The following GLIS3 variants were observed in gnomAD, a reference collection of about 807,000 sequenced individuals.
The protein encoded by GLIS3 is GLIS family zinc finger 3.
Under a neutral mutation model 78.6 loss-of-function variants are expected in GLIS3, and 53 were observed. The ratio of observed to expected loss-of-function variants is 0.67; its 90% CI spans 0.54 to 0.85. GLIS3 has a LOEUF of 0.85. GLIS3 is among the 40% of genes least tolerant of loss of function. The pLI is 0.00. For synonymous variants in GLIS3, 684 were observed against 509.9 expected, an observed-to-expected ratio of 1.34 and a Z score of -4.60; for missense variants, 1,703 against 1,231.1, an observed-to-expected ratio of 1.38 and a Z score of -5.74.
At chr9:4,482,621 A>G in the GLIS3 span, among the ~76,000 whole-genome samples, 1 of 152,202 alleles carries the variant, frequency 6.6e-6, no homozygotes, top group East Asian at 1.9e-4. Context: ...CCAGGCAACT[A>G]TTTCTAGAGA....
chr9:4,039,472 T>A (rs1018640829), intron 4 of GLIS3, among the ~76,000 whole-genome samples: 3 of 152,168 alleles, frequency 2.0e-5, no homozygotes, highest in South Asian at 4.1e-4. Flanking sequence ...AACAAGCTGC[T>A]CTGATGGGTC....
At chr9:4,141,648 T>G (rs1429637263) in intron 2 of GLIS3, among the ~76,000 whole-genome samples, 1 of 152,202 alleles carries the variant, frequency 6.6e-6, no homozygotes, top group Non-Finnish European at 1.5e-5. Flanking sequence ...AGGAAATAAT[T>G]TAAACAACCA....
the GLIS3 span, among the ~76,000 whole-genome samples, chr9:4,359,317 C>T: frequency 6.6e-6 from 1 of 152,090 alleles, no homozygotes; most frequent in African/African-American, 2.4e-5. Context: ...TTCTCCTTAC[C>T]TTACTGCCTT....
chr9:4,296,292 G>GAA lies in GLIS3; in HGVS notation c.-99+3127_-99+3128dup, dbSNP rs201201304. Among the ~76,000 whole-genome samples, 402 of 116,242 alleles carry GAA rather than the reference G, an allele frequency of 3.5e-3. 2 individuals carry two copies. The highest frequency in any genetic ancestry group is 0.012 in the African/African-American group (381 of 31,364). 76.3% of individuals were successfully genotyped at this position (116,242 alleles called of 152,430 possible). ...TACTAGCAGGAAAGAACAGTCAGAG[G>GAA]AAAAAAAAAAAAAAAAAAGACCGAG... On this transcript the variant is annotated intron_variant, in intron 1 of 10. Coordinates refer to ENST00000381971, the MANE Select transcript of GLIS3 (RefSeq NM_001042413.2).
the GLIS3 span, among the ~76,000 whole-genome samples, chr9:4,464,404 T>G: frequency 6.6e-6 from 1 of 151,900 alleles, no homozygotes; most frequent in Non-Finnish European, 1.5e-5. Flanking sequence ...TTTATTTATT[T>G]ATTTTTTTGA....
intron 2 of GLIS3, among the ~76,000 whole-genome samples, chr9:4,188,875 A>T (rs550432122): frequency 3.7e-4 from 56 of 150,982 alleles, no homozygotes; most frequent in African/African-American, 1.3e-3. Flanking sequence ...CATCTATTTC[A>T]CTCTTCTCTC....
intron 2 of GLIS3, among the ~76,000 whole-genome samples, chr9:4,156,145 T>TTA (rs1369770351): frequency 6.6e-6 from 1 of 152,158 alleles, no homozygotes; most frequent in Non-Finnish European, 1.5e-5. Context: ...TTGACAACTC[T>TTA]TATACCCTTG....
chr9:4,226,993 G>T (rs968143941), intron 2 of GLIS3, among the ~76,000 whole-genome samples: 2 of 152,188 alleles, frequency 1.3e-5, no homozygotes, highest in African/African-American at 4.8e-5. Flanking sequence ...GTGAGAACTA[G>T]CAACAGGAGC....
intron 4 of GLIS3, among the ~76,000 whole-genome samples, chr9:4,007,207 C>G (rs923362283): frequency 5.3e-5 from 8 of 152,100 alleles, no homozygotes; most frequent in Non-Finnish European, 1.2e-4. Flanking sequence ...TTGGTGCTGC[C>G]CAGCCTCAGA....
intron 2 of GLIS3, among the ~76,000 whole-genome samples, chr9:4,179,980 T>C (rs910211022): frequency 6.6e-6 from 1 of 152,094 alleles, no homozygotes; most frequent in Non-Finnish European, 1.5e-5. Context: ...AAATTCAAAC[T>C]TGATATTTCT....
At chr9:4,462,594 A>AACACACAC in the GLIS3 span, among the ~76,000 whole-genome samples, 1,255 of 145,062 alleles carry the variant, frequency 8.7e-3, 8 homozygotes, top group South Asian at 0.036. Context: ...CCATCTCTAT[A>AACACACAC]ACACACACAC....
intron 2 of GLIS3, among the ~76,000 whole-genome samples, chr9:4,190,402 C>T (rs1042485335): frequency 1.7e-4 from 26 of 151,304 alleles, no homozygotes; most frequent in African/African-American, 5.1e-4. Flanking sequence ...CCTCAGGAGC[C>T]GATGCGATCA....
At chr9:4,125,712 GA>G (rs762861459) in intron 3 of GLIS3, 21 bp downstream of exon 3, 19 of 1,585,670 alleles carry the variant, frequency 1.2e-5, no homozygotes, top group African/African-American at 2.7e-5. Flanking sequence ...AAAGAAAGGG[GA>G]AAAAAAAGTT....
chr9:3,990,886 A>G lies in GLIS3; in HGVS notation c.1711-53697T>C, dbSNP rs1205530505. Among the ~76,000 whole-genome samples, 3 of 152,184 alleles carry G rather than the reference A, an allele frequency of 2.0e-5. No homozygotes were observed. The East Asian group carries it at 5.8e-4, about 29-fold the overall frequency. ...CAAAATATACAGGTTCATCCCTGAC[A>G]TCAAGCATGCCCTCAATTTTGAAAA... On this transcript the variant is annotated intron_variant, in intron 4 of 10. Transcript: ENST00000381971.
the GLIS3 span, among the ~76,000 whole-genome samples, chr9:4,395,984 G>C: frequency 7.9e-5 from 12 of 151,828 alleles, no homozygotes; most frequent in East Asian, 1.9e-3. Flanking sequence ...ATGTTGGCTA[G>C]GATGGTGTCG....
At chr9:4,317,689 G>GA (rs1817461834) in intron 2 of GLIS3, among the ~76,000 whole-genome samples, 1 of 152,254 alleles carries the variant, frequency 6.6e-6, no homozygotes, top group Admixed American at 6.5e-5. Flanking sequence ...GTGGTCTACA[G>GA]AAAAAATTAA....
chr9:4,271,307 G>C (rs1826486209), intron 2 of GLIS3, among the ~76,000 whole-genome samples: 1 of 152,082 alleles, frequency 6.6e-6, no homozygotes, highest in Non-Finnish European at 1.5e-5. Flanking sequence ...CAAGGCTTTG[G>C]TCAACAGTAG....
Position 3,860,191 on chromosome 9 carries a change from C to A in GLIS3, c.2298-4007G>T, listed in dbSNP as rs571687159. Among the ~76,000 whole-genome samples, 4 of 130,784 alleles carry A rather than the reference C, an allele frequency of 3.1e-5. No individual in the cohort carries two copies. The Admixed American group carries it at 3.7e-4, about 12-fold the overall frequency. 85.8% of individuals were successfully genotyped at this position (130,784 alleles called of 152,430 possible). On this transcript the variant is annotated intron_variant, in intron 8 of 10. Transcript: ENST00000381971. ...TCAGGAGGCTGAGGCAGGAGAATGG[C>A]GTGAATCCGGGAGGCGGAGCTTGCA... is the stretch of plus-strand genomic sequence containing the variant.
At chr9:4,411,268 C>A in the GLIS3 span, among the ~76,000 whole-genome samples, 1 of 152,108 alleles carries the variant, frequency 6.6e-6, no homozygotes, top group African/African-American at 2.4e-5. Flanking sequence ...TGACTTCTGT[C>A]CTTCACTTGG....
Sources: gnomAD v4.1 joint callset for allele counts (sites outside exome capture counted in the v4.1 genomes callset) on GRCh38, gnomAD v4.1.1 for gene constraint, MANE v1.5 for transcripts, NCBI Gene and HGNC (gene_info 2026-07-23, HGNC 2026-07-21) for gene names.